Variants in AASDH observed in about 807,000 individuals in gnomAD.
AASDH encodes the protein beta-alanine-activating enzyme.
In AASDH, 81 loss-of-function variants were observed where a neutral mutation model predicts 102.3. The observed-to-expected ratio is 0.79, with a 90% CI of 0.66 to 0.95. AASDH has a LOEUF of 0.95. Among genes scored for constraint, AASDH ranks in the 40% least tolerant of loss-of-function variants. The pLI is 0.00. For missense variants in AASDH, 1,203 were observed against 1,266.2 expected (o/e 0.95, Z 0.76); for synonymous variants, 398 against 454.0 (o/e 0.88, Z 1.57).
At chr4:56,385,908 G>A (rs766708872) in intron 1 of AASDH, among the ~76,000 whole-genome samples, 1 of 149,814 alleles carries the variant, frequency 6.7e-6, no homozygotes, top group East Asian at 1.9e-4. Context: ...GCGCCCGGCC[G>A]AGTCAAGTTT....
At chr4:56,347,501 A>T (rs1187694467) in intron 11 of AASDH, among the ~76,000 whole-genome samples, 1 of 152,166 alleles carries the variant, frequency 6.6e-6, no homozygotes, top group African/African-American at 2.4e-5. Flanking sequence ...AGTCAGGGGG[A>T]GATATTATAC....
chr4:56,355,141 T>C (rs761811279), intron 6 of AASDH, 41 bp downstream of exon 6: 28 of 1,578,834 alleles, frequency 1.8e-5, no homozygotes, highest in South Asian at 3.5e-5. Context: ...CCTAGAAATA[T>C]ACAGTCTCTC....
rs1272199299 is a variant in AASDH at position 56,387,443 on chromosome 4, A to T, written c.-124T>A. The T allele has an allele frequency of 6.6e-6, 1 of 152,262 alleles. No individual in the cohort carries two copies. Among genetic ancestry groups the T allele is most frequent in the African/African-American group, 2.4e-5 (1 of 41,458 alleles). The allele number at this position is 152,262 out of a possible 1,614,324, so 9.4% of individuals were successfully genotyped here. On this transcript the variant is annotated 5_prime_UTR_variant, in exon 1 of 15. Transcript: ENST00000205214. ...TCGCGGATACTTCTCACAGCGAAGC[A>T]GCAGCTCCCAGAAGCCGTAAAGCTA...
chr4:56,338,467 G>A lies in AASDH; in HGVS notation c.3232C>T (p.Leu1078Phe). 3 of 1,613,928 alleles carry A rather than the reference G, an allele frequency of 1.9e-6. No homozygotes were observed. Among genetic ancestry groups the A allele is most frequent in the Non-Finnish European group, 2.5e-6 (3 of 1,179,972 alleles). Residue 1078 changes from leucine to phenylalanine, a missense_variant, in exon 15 of 15, where the codon CTC becomes TTC. Physicochemically the swap from Leu to Phe is conservative, Grantham distance 22 (BLOSUM62 0). Transcript: ENST00000205214. The stretch of plus-strand genomic sequence containing the variant: ...TAATTATCTCTACACCCAATAATGA[G>A]CATTGATTCCAGGACCACAGGAGAA... ...FSSPVVLESM[L>F]IIGCRDNYVY... is the part of the protein sequence containing the mutation.
chr4:56,338,495 GAAGAC>G lies in AASDH; in HGVS notation c.3199_3203del (p.Val1067LeufsTer15). 1 of 1,613,800 alleles carries G rather than the reference GAAGAC, an allele frequency of 6.2e-7. No homozygotes were observed. The highest frequency in any genetic ancestry group is 8.5e-7 in the Non-Finnish European group (1 of 1,179,862). On this transcript the variant is annotated frameshift_variant, in exon 15 of 15. Transcript: ENST00000205214. LOFTEE classifies it high-confidence loss of function. Reference sequence around the variant, plus strand: ...TTGATTCCAGGACCACAGGAGAAGAGAAGACTTCTCCAGGAAGTTCATAAACACTT... The same window carrying G: ...TTGATTCCAGGACCACAGGAGAAGAGTTCTCCAGGAAGTTCATAAACACTT...
rs1272612050 is a variant in AASDH at position 56,344,229 on chromosome 4, GAT to G, written c.2653-547_2653-546del. 7.9e-5 allele frequency among the ~76,000 whole-genome samples: 12 copies of G among 152,208 alleles called. No homozygotes were observed. In the East Asian group the frequency reaches 2.3e-3, roughly 29 times the overall value. On this transcript the variant is annotated intron_variant, in intron 12 of 14. Coordinates refer to ENST00000205214, the MANE Select transcript of AASDH (RefSeq NM_181806.4). Reference sequence around the variant, plus strand: ...AAAAAACGAATTTTATTGGATCAAGGATATGATATTGTTACCTATGGTCAAAT... The same window carrying G: ...AAAAAACGAATTTTATTGGATCAAGGATGATATTGTTACCTATGGTCAAAT...
rs749580476 is a variant in AASDH at position 56,354,122 on chromosome 4, C to A, written c.1300G>T (p.Asp434Tyr). 2.5e-6 allele frequency: 4 copies of A among 1,613,376 alleles called. No individual in the cohort carries two copies. The South Asian group carries it at 4.4e-5, about 18-fold the overall frequency. Residue 434 changes from aspartate to tyrosine, a missense_variant, in exon 8 of 15, where the codon GAT becomes TAT. Transcript: ENST00000205214. ...CGTCCCAAAAAAAAAATCTCTCCAT[C>A]TTTCACAGTCACAAAGTCTCCTGTA... ...RATGDFVTVKDGEIFFLGRKD... is the reference protein window; with the variant it reads ...RATGDFVTVKYGEIFFLGRKD...
intron 5 of AASDH, among the ~76,000 whole-genome samples, chr4:56,367,738 C>T (rs1463896592): frequency 6.7e-6 from 1 of 149,526 alleles, no homozygotes; most frequent in Admixed American, 6.7e-5. Context: ...TAAAGACTTA[C>T]ATGTTAGACC....
intron 4 of AASDH, among the ~76,000 whole-genome samples, chr4:56,375,196 T>C (rs13102298): frequency 0.45 from 67,812 of 151,836 alleles, 15,515 homozygotes; most frequent in Non-Finnish European, 0.49. Flanking sequence ...CTCAGCAATC[T>C]TCCTGCTTTG....
At position 56,349,279 on chromosome 4, in the gene AASDH, T is replaced by C; in HGVS notation, c.2472A>G (p.Gly824=). The C allele has an allele frequency of 6.2e-7, 1 of 1,614,074 alleles. No individual in the cohort carries two copies. Among genetic ancestry groups the C allele is most frequent in the Non-Finnish European group, 8.5e-7 (1 of 1,180,012 alleles). The change falls in exon 11 of 15, where the codon GGA becomes GGG. Residue 824 remains glycine, a synonymous_variant. Coordinates refer to ENST00000205214, the MANE Select transcript of AASDH (RefSeq NM_181806.4). ...AAAACTTACCCACCACAATAAAGTT[T>C]CCACACTTAGATACACATGCTGAGG... ...IESSACVSKC[G]NFIVVGCYNG...
chr4:56,367,068 A>T (rs1283721741), intron 5 of AASDH, among the ~76,000 whole-genome samples: 1 of 152,032 alleles, frequency 6.6e-6, no homozygotes, highest in Non-Finnish European at 1.5e-5. Flanking sequence ...GCATTCTTAT[A>T]CACCAATAAC....
At chr4:56,372,871 T>G (rs1751911185) in intron 4 of AASDH, among the ~76,000 whole-genome samples, 1 of 152,304 alleles carries the variant, frequency 6.6e-6, no homozygotes, top group Middle Eastern at 3.4e-3. Context: ...GTGTCCATTT[T>G]AATGCTTAGA....
chr4:56,357,158 T>G (rs1749735786), intron 5 of AASDH, among the ~76,000 whole-genome samples: 1 of 152,170 alleles, frequency 6.6e-6, no homozygotes, highest in Non-Finnish European at 1.5e-5. Context: ...ACTGTCTTAG[T>G]TGATTTGGCT....
At chr4:56,384,489 G>A (rs1022896972) in intron 1 of AASDH, 148 bp from the exon 2 acceptor site, 1 of 568,144 alleles carries the variant, frequency 1.8e-6, no homozygotes, top group Non-Finnish European at 3.1e-6. Context: ...TGAAATTATG[G>A]TAACTTTACT....
At chr4:56,354,575 TATGA>T (rs1749373249) in intron 7 of AASDH, 126 bp downstream of exon 7, 2 of 668,856 alleles carry the variant, frequency 3.0e-6, no homozygotes, top group Non-Finnish European at 5.0e-6. Flanking sequence ...TTCATGACTA[TATGA>T]ATGAGAATAA....
rs757790682 is a variant in AASDH, at chr4:56,338,547, T to G, written c.3152A>C (p.Glu1051Ala). The G allele has an allele frequency of 3.1e-6, 5 of 1,611,866 alleles. No individual in the cohort carries two copies. In the Admixed American group the frequency reaches 8.4e-5, roughly 27 times the overall value. Residue 1051 changes from glutamate to alanine, a missense_variant, in exon 15 of 15, where the codon GAA (glutamate) becomes GCA (alanine). Transcript: ENST00000205214. ...ASTDGKVWIL[E>A]SQSGQLQSVY... ...ACTTTGCAATTGTCCACTCTGAGAT[T>G]CCAAGATCCACACTTTCCCATCAGT...
At position 56,361,323 on chromosome 4, in the gene AASDH, C is replaced by T. The variant is rs189326173; in HGVS notation, c.862-5900G>A. 1.3e-3 allele frequency among the ~76,000 whole-genome samples: 197 copies of T among 152,170 alleles called. 1 individual carries two copies. The highest frequency in any genetic ancestry group is 2.1e-3 in the Non-Finnish European group (143 of 67,996). ...ACTTGGGAGGCTGAGGCATGAGAAT[C>T]ACTTGAACCCAGGAGGTGGAGGTTG... On this transcript the variant is annotated intron_variant, in intron 5 of 14. Transcript: ENST00000205214.
chr4:56,338,895 A>C, intron 14 of AASDH, 104 bp from the exon 15 acceptor site: 1 of 1,144,184 alleles, frequency 8.7e-7, no homozygotes, highest in Non-Finnish European at 1.2e-6. Context: ...GATATAGGCT[A>C]TTTGAATGGT....
intron 5 of AASDH, among the ~76,000 whole-genome samples, chr4:56,362,211 T>A (rs547445632): frequency 6.6e-6 from 1 of 152,304 alleles, no homozygotes; most frequent in African/African-American, 2.4e-5. Context: ...GATATTCTAT[T>A]CTTTTCAATT....
Sources: gnomAD v4.1 joint callset for allele counts (sites outside exome capture counted in the v4.1 genomes callset) on GRCh38, gnomAD v4.1.1 for gene constraint, MANE v1.5 for transcripts, NCBI Gene and HGNC (gene_info 2026-07-23, HGNC 2026-07-21) for gene names.